Variants in LYRM4 observed in about 807,000 individuals in gnomAD.
The protein encoded by LYRM4 is LYR motif-containing protein 4.
A neutral mutation model predicts 11.7 loss-of-function variants in LYRM4; 9 were observed. That is an observed-to-expected ratio of 0.77 (90% confidence interval 0.46 to 1.34). LYRM4 has a LOEUF of 1.34. Ranked by LOEUF, LYRM4 falls within the 40% of genes most tolerant of loss-of-function variation. The pLI is 0.00. For synonymous variants in LYRM4, 42 were observed against 40.4 expected (o/e 1.04, Z -0.15); for missense variants, 133 against 112.5 (o/e 1.18, Z -0.82).
intron 2 of LYRM4, among the ~76,000 whole-genome samples, chr6:5,201,321 G>A (rs923878551): frequency 2.0e-5 from 3 of 152,128 alleles, no homozygotes; most frequent in South Asian, 2.1e-4. Context: ...GCAAGTGCAC[G>A]GGCAGGCTCA....
At chr6:5,257,269 T>C (rs726087) in intron 1 of LYRM4, among the ~76,000 whole-genome samples, 1 of 152,016 alleles carries the variant, frequency 6.6e-6, no homozygotes, top group Non-Finnish European at 1.5e-5. Flanking sequence ...AACCCCATCA[T>C]ACTTACCTCC....
At chr6:5,224,552 G>T (rs554984843) in intron 1 of LYRM4, among the ~76,000 whole-genome samples, 1 of 152,270 alleles carries the variant, frequency 6.6e-6, no homozygotes, top group African/African-American at 2.4e-5. Flanking sequence ...GAAATATGCA[G>T]ATATATACAG....
intron 2 of LYRM4, among the ~76,000 whole-genome samples, chr6:5,186,140 T>C (rs1391321217): frequency 3.9e-5 from 6 of 152,160 alleles, no homozygotes; most frequent in Admixed American, 3.3e-4. Flanking sequence ...GTGAAGCTTA[T>C]GAGTGCAAAT....
chr6:5,035,318 C>T, the LYRM4 span, among the ~76,000 whole-genome samples: 10 of 151,894 alleles, frequency 6.6e-5, no homozygotes, highest in African/African-American at 1.2e-4. Flanking sequence ...CTCTCCTCTC[C>T]ATCTAGTCAC....
intron 2 of LYRM4, among the ~76,000 whole-genome samples, chr6:5,169,437 C>T (rs182419367): frequency 2.0e-4 from 31 of 152,238 alleles, no homozygotes; most frequent in African/African-American, 6.5e-4. Context: ...GGAATTACAA[C>T]GGGACTTTAA....
At chr6:5,046,919 G>A in the LYRM4 span, among the ~76,000 whole-genome samples, 3 of 152,174 alleles carry the variant, frequency 2.0e-5, no homozygotes, top group South Asian at 6.2e-4. Flanking sequence ...GTGAAACCCC[G>A]TCTCTACAAA....
chr6:5,216,718 A>C lies in LYRM4; in HGVS notation c.107T>G (p.Ile36Arg). The change falls in exon 2 of 3, where the codon ATA becomes AGA. Residue 36 changes from isoleucine (I) to arginine (R), a missense_variant. Transcript: ENST00000330636. ...TTTATTTTCTCTGAAGGCATCTCTT[A>C]TCCTCCTGACAGCATATGTTCTAAA... ...YNYRTYAVRR[I>R]RDAFRENKNV... 1 of 1,613,482 alleles carries C rather than the reference A, an allele frequency of 6.2e-7. No individual in the cohort carries two copies. The highest frequency in any genetic ancestry group is 8.5e-7 in the Non-Finnish European group (1 of 1,179,982).
intron 1 of LYRM4, among the ~76,000 whole-genome samples, chr6:5,227,171 T>C (rs1183053256): frequency 6.6e-6 from 1 of 151,914 alleles, no homozygotes; most frequent in African/African-American, 2.4e-5. Context: ...GGAGCTAAGG[T>C]GAGGAGGTTC....
At chr6:5,214,057 C>T (rs975370178) in intron 2 of LYRM4, among the ~76,000 whole-genome samples, 2 of 152,238 alleles carry the variant, frequency 1.3e-5, no homozygotes, top group Non-Finnish European at 2.9e-5. Flanking sequence ...AGTCCATGCT[C>T]TTCGCCACCC....
At chr6:5,166,868 G>C (rs1219703477) in intron 2 of LYRM4, among the ~76,000 whole-genome samples, 2 of 152,214 alleles carry the variant, frequency 1.3e-5, no homozygotes, top group African/African-American at 4.8e-5. Flanking sequence ...ATTCAAGGGA[G>C]AGAAACAAAC....
intron 2 of LYRM4, among the ~76,000 whole-genome samples, chr6:5,174,252 G>C (rs1464438544): frequency 1.3e-5 from 2 of 152,128 alleles, no homozygotes; most frequent in African/African-American, 4.8e-5. Context: ...TGCAGTGAAT[G>C]CTCTACAGAG....
chr6:5,123,512 T>C (rs1289135068), intron 2 of LYRM4, among the ~76,000 whole-genome samples: 1 of 152,208 alleles, frequency 6.6e-6, no homozygotes, highest in Non-Finnish European at 1.5e-5. Flanking sequence ...AAGGGGACCC[T>C]TGGCCGGGGT....
chr6:5,157,901 CCAG>C (rs1051492486), intron 2 of LYRM4, among the ~76,000 whole-genome samples: 2 of 152,242 alleles, frequency 1.3e-5, no homozygotes, highest in African/African-American at 4.8e-5. Flanking sequence ...CCCCAGCCGG[CCAG>C]CAGCCGCCTC....
chr6:5,066,761 G>A, the LYRM4 span: 4 of 744,492 alleles, frequency 5.4e-6, no homozygotes, highest in South Asian at 4.8e-5. Flanking sequence ...GATTGGTTAC[G>A]TAACGCTTAA....
chr6:5,210,483 A>G (rs1761936748), intron 2 of LYRM4, among the ~76,000 whole-genome samples: 1 of 152,148 alleles, frequency 6.6e-6, no homozygotes, highest in South Asian at 2.1e-4. Context: ...ATGACTGGCT[A>G]TAATTCGTTT....
At chr6:5,054,899 A>G in the LYRM4 span, among the ~76,000 whole-genome samples, 1 of 152,334 alleles carries the variant, frequency 6.6e-6, no homozygotes, top group South Asian at 2.1e-4. Flanking sequence ...TTCCCTTGAC[A>G]TATTTTGAAA....
the LYRM4 span, among the ~76,000 whole-genome samples, chr6:5,036,462 C>T: frequency 6.6e-6 from 1 of 152,200 alleles, no homozygotes; most frequent in South Asian, 2.1e-4. Context: ...GCTGCCTCCG[C>T]TGAGCTGGCA....
intron 1 of LYRM4, among the ~76,000 whole-genome samples, chr6:5,232,167 A>T (rs962539459): frequency 5.3e-5 from 8 of 152,244 alleles, no homozygotes; most frequent in Non-Finnish European, 1.0e-4. Flanking sequence ...GAATAATATA[A>T]ACTGGACTCT....
chr6:5,078,957 T>C, the LYRM4 span, among the ~76,000 whole-genome samples: 1 of 152,226 alleles, frequency 6.6e-6, no homozygotes, highest in Non-Finnish European at 1.5e-5. Flanking sequence ...TTAAAAATAC[T>C]TTGGCATATT....
Sources: gnomAD v4.1 joint callset for allele counts (sites outside exome capture counted in the v4.1 genomes callset) on GRCh38, gnomAD v4.1.1 for gene constraint, MANE v1.5 for transcripts, NCBI Gene and HGNC (gene_info 2026-07-23, HGNC 2026-07-21) for gene names.